Variants in DGKG observed in about 807,000 individuals in gnomAD.
The protein encoded by DGKG is diacylglycerol kinase gamma, also known as DAG kinase gamma.
Under a neutral mutation model 105.3 loss-of-function variants are expected in DGKG, and 78 were observed. The observed-to-expected ratio is 0.74, with a 90% CI of 0.62 to 0.89. DGKG has a LOEUF of 0.89. Among genes scored for constraint, DGKG ranks in the 40% least tolerant of loss-of-function variants. The probability of loss-of-function intolerance (pLI) is 0.00; values close to 1 mark genes in which losing one functional copy is unlikely to be tolerated. For missense variants in DGKG, 958 were observed against 1,020.1 expected (o/e 0.94, Z 0.83); for synonymous variants, 346 against 367.1 (o/e 0.94, Z 0.66).
chr3:186,334,683 A>G (rs568805763), intron 1 of DGKG, among the ~76,000 whole-genome samples: 1 of 152,354 alleles, frequency 6.6e-6, no homozygotes, highest in South Asian at 2.1e-4. Context: ...ACTCTTCATA[A>G]CAACTCTGTT....
chr3:186,310,953 A>ACT (rs3050586), intron 2 of DGKG, among the ~76,000 whole-genome samples: 112,700 of 151,942 alleles, frequency 0.74, 42,201 homozygotes, highest in African/African-American at 0.83. Flanking sequence ...TTTCAAGGAG[A>ACT]CAGCTCGTAA....
intron 21 of DGKG, among the ~76,000 whole-genome samples, chr3:186,211,023 G>T (rs899680834): frequency 6.6e-6 from 1 of 152,192 alleles, no homozygotes; most frequent in Non-Finnish European, 1.5e-5. Context: ...GGGGTGAGAG[G>T]GTGGGAAGTG....
intron 1 of DGKG, among the ~76,000 whole-genome samples, chr3:186,352,673 C>A (rs1037635536): frequency 6.6e-6 from 1 of 152,140 alleles, no homozygotes; most frequent in Non-Finnish European, 1.5e-5. Context: ...CCTCCCTCAG[C>A]CCCCTCACAT....
intron 22 of DGKG, among the ~76,000 whole-genome samples, chr3:186,185,519 C>T (rs1238376521): frequency 2.0e-5 from 3 of 152,110 alleles, no homozygotes; most frequent in African/African-American, 7.2e-5. Context: ...AAGAGCTTCC[C>T]CCAGCCCTAG....
intron 17 of DGKG, among the ~76,000 whole-genome samples, chr3:186,254,615 C>A (rs565229890): frequency 1.3e-5 from 2 of 152,282 alleles, no homozygotes; most frequent in East Asian, 3.9e-4. Flanking sequence ...TCACATATCA[C>A]ATTCTATGTG....
chr3:186,311,913 G>A (rs1724564551), intron 2 of DGKG, among the ~76,000 whole-genome samples: 1 of 128,896 alleles, frequency 7.8e-6, no homozygotes, highest in Non-Finnish European at 1.5e-5. Flanking sequence ...TCAGGAGATC[G>A]AGACCATCCT....
chr3:186,318,235 C>T (rs551071125), intron 2 of DGKG, among the ~76,000 whole-genome samples: 29 of 152,284 alleles, frequency 1.9e-4, no homozygotes, highest in African/African-American at 4.3e-4. Flanking sequence ...GCTATCCCCA[C>T]GCCTCCTATG....
intron 3 of DGKG, among the ~76,000 whole-genome samples, chr3:186,301,306 A>G (rs1723908981): frequency 6.6e-6 from 1 of 151,954 alleles, no homozygotes; most frequent in Admixed American, 6.6e-5. Flanking sequence ...CTAAAGCACA[A>G]CTCTGATAAA....
intron 22 of DGKG, 28 bp downstream of exon 22, chr3:186,188,174 A>G (rs371007519): frequency 1.3e-4 from 207 of 1,613,332 alleles, no homozygotes; most frequent in Admixed American, 2.7e-4. Flanking sequence ...GCATTGACCT[A>G]AAACAATTAT....
rs1411269790 is a variant in DGKG, at chr3:186,284,342, T to A, written c.594+318A>T. 6.6e-6 allele frequency among the ~76,000 whole-genome samples: 1 copy of A among 152,108 alleles called. No individual in the cohort carries two copies. Among genetic ancestry groups the A allele is most frequent in the African/African-American group, 2.4e-5 (1 of 41,410 alleles). On this transcript the variant is annotated intron_variant, in intron 7 of 24. Transcript: ENST00000265022. The surrounding 1 kb of genome is among the most constrained non-coding windows in gnomAD (Gnocchi z 4.0). ...CGCCCTCTCCTCTTGGCCTCAGGAC[T>A]CCTGCAGGAAATTGCAGGAGGCGCT... is the stretch of plus-strand genomic sequence containing the variant.
At chr3:186,313,529 T>C (rs945328243) in intron 2 of DGKG, 11 of 985,380 alleles carry the variant, frequency 1.1e-5, no homozygotes, top group Non-Finnish European at 1.3e-5. Context: ...GGTGGAGGAA[T>C]GGATCAGACA....
At chr3:186,188,457 CGTGT>C (rs3217178) in intron 21 of DGKG, 78 bp from the exon 22 acceptor site, 694,877 of 1,265,520 alleles carry the variant, frequency 0.55, 204,595 homozygotes, top group East Asian at 0.7. Context: ...TGTGTGCGTG[CGTGT>C]GTGTGTGTGT....
intron 22 of DGKG, 121 bp downstream of exon 22, chr3:186,188,081 A>G (rs2108500510): frequency 8.7e-7 from 1 of 1,149,914 alleles, no homozygotes; most frequent in East Asian, 2.4e-5. Context: ...ACGAGTCAGC[A>G]TATCCGCAGA....
At chr3:186,157,405 ATAGTC>A (rs1716086319) in intron 24 of DGKG, among the ~76,000 whole-genome samples, 1 of 151,038 alleles carries the variant, frequency 6.6e-6, no homozygotes, top group South Asian at 2.1e-4. Flanking sequence ...ATATTTATAT[ATAGTC>A]TATAGTCTAT....
intron 20 of DGKG, among the ~76,000 whole-genome samples, chr3:186,221,559 G>A (rs140258842): frequency 3.5e-4 from 54 of 152,278 alleles, no homozygotes; most frequent in African/African-American, 1.2e-3. Flanking sequence ...GGGAAAAGGC[G>A]GACAGGAATG....
At chr3:186,186,153 A>G (rs1029225237) in intron 22 of DGKG, among the ~76,000 whole-genome samples, 1 of 151,582 alleles carries the variant, frequency 6.6e-6, no homozygotes, top group Admixed American at 6.6e-5. Context: ...CTTAAAGGAC[A>G]GAGGTGTGGA....
At position 186,317,887 on chromosome 3, in the gene DGKG, T is replaced by G. The variant is rs180688648; in HGVS notation, c.67+2506A>C. 8.1e-3 allele frequency among the ~76,000 whole-genome samples: 1,239 copies of G among 152,330 alleles called. 22 individuals carry two copies. The highest frequency in any genetic ancestry group is 0.027 in the African/African-American group (1,126 of 41,566). ...GGCACATAGGAAGGCGTAGTGGATG[T>G]GTTATCACCATCTCCAAATCAACAA... On this transcript the variant is annotated intron_variant, in intron 2 of 24. Coordinates refer to ENST00000265022, the MANE Select transcript of DGKG (RefSeq NM_001346.3).
At chr3:186,294,235 A>G (rs1226893560) in intron 5 of DGKG, among the ~76,000 whole-genome samples, 3 of 152,188 alleles carry the variant, frequency 2.0e-5, no homozygotes, top group Admixed American at 1.3e-4. Flanking sequence ...CATATCCCCA[A>G]TAAGTTCTTC....
At chr3:186,311,456 C>A (rs146361838) in intron 2 of DGKG, among the ~76,000 whole-genome samples, 1,645 of 152,296 alleles carry the variant, frequency 0.011, 30 homozygotes, top group African/African-American at 0.037. Context: ...GTTTTGCATT[C>A]ACCCAGACTG....
Sources: gnomAD v4.1 joint callset for allele counts (sites outside exome capture counted in the v4.1 genomes callset) on GRCh38, gnomAD v4.1.1 for gene constraint, Gnocchi (gnomAD v3.1) non-coding constraint, MANE v1.5 for transcripts, NCBI Gene and HGNC (gene_info 2026-07-23, HGNC 2026-07-21) for gene names.